The following KIF24 variants were observed in gnomAD, a reference collection of about 807,000 sequenced individuals.
The protein encoded by KIF24 is kinesin-like protein KIF24.
A neutral mutation model predicts 118.9 loss-of-function variants in KIF24; 81 were observed. The observed-to-expected ratio is 0.68, with a 90% CI of 0.57 to 0.82. The LOEUF is 0.82. Ranked by LOEUF, KIF24 falls within the 40% of genes least tolerant of loss-of-function variation. KIF24 has a pLI of 0.00. For missense variants in KIF24, 1,560 were observed against 1,661.6 expected (o/e 0.94, Z 1.06); for synonymous variants, 599 against 610.0 (o/e 0.98, Z 0.27).
In KIF24 at chr9:34,321,685, T is replaced by C. The variant is rs1224217451; in HGVS notation, c.-26+7421A>G. 4.0e-5 allele frequency among the ~76,000 whole-genome samples: 6 copies of C among 150,566 alleles called. No individual in the cohort carries two copies. In the East Asian group the frequency reaches 7.9e-4, roughly 20 times the overall value. On this transcript the variant is annotated intron_variant, in intron 1 of 12. Coordinates refer to ENST00000402558, the MANE Select transcript of KIF24 (RefSeq NM_194313.4). ...ACAGTGGTGCAATCACGGCTCACTGTAGTCACAAACTCCTGGGCTCAACCA... is the reference window on the plus strand; with the variant it reads ...ACAGTGGTGCAATCACGGCTCACTGCAGTCACAAACTCCTGGGCTCAACCA...
chr9:34,271,164 GTAC>G (rs1835489785), intron 7 of KIF24, among the ~76,000 whole-genome samples: 1 of 151,934 alleles, frequency 6.6e-6, no homozygotes, highest in Admixed American at 6.6e-5. Context: ...GTTGATGCTG[GTAC>G]TGTCCACTCA....
chr9:34,304,831 T>C (rs940511365), intron 3 of KIF24, among the ~76,000 whole-genome samples: 1 of 152,202 alleles, frequency 6.6e-6, no homozygotes, highest in Non-Finnish European at 1.5e-5. Context: ...CACTTCAGCA[T>C]TAAAGGATTT....
At chr9:34,315,702 A>T (rs1368562325) in intron 1 of KIF24, among the ~76,000 whole-genome samples, 2 of 152,220 alleles carry the variant, frequency 1.3e-5, no homozygotes, top group Non-Finnish European at 2.9e-5. Context: ...ATTTTAAGTG[A>T]ATAGTATCTG....
chr9:34,287,458 T>C (rs1470854615), intron 5 of KIF24, among the ~76,000 whole-genome samples: 1 of 152,202 alleles, frequency 6.6e-6, no homozygotes, highest in African/African-American at 2.4e-5. Context: ...TGGTCTACCA[T>C]CATCATTAAA....
At chr9:34,317,176 C>T (rs1837356611) in intron 1 of KIF24, among the ~76,000 whole-genome samples, 1 of 151,662 alleles carries the variant, frequency 6.6e-6, no homozygotes, top group Admixed American at 6.6e-5. Context: ...TGAGATCGCG[C>T]CATTGCACTC....
At chr9:34,312,565 GAA>G in intron 1 of KIF24, among the ~76,000 whole-genome samples, 1 of 152,320 alleles carries the variant, frequency 6.6e-6, no homozygotes, top group Non-Finnish European at 1.5e-5. Flanking sequence ...CAGAAACAGA[GAA>G]AGAGGTGAGG....
intron 8 of KIF24, among the ~76,000 whole-genome samples, chr9:34,265,863 T>A (rs969181435): frequency 2.0e-5 from 3 of 152,248 alleles, no homozygotes; most frequent in Middle Eastern, 3.4e-3. Context: ...TTTATTTTTT[T>A]AATATTATTA....
intron 8 of KIF24, among the ~76,000 whole-genome samples, chr9:34,264,833 G>A (rs1489735313): frequency 6.6e-6 from 1 of 151,958 alleles, no homozygotes; most frequent in African/African-American, 2.4e-5. Flanking sequence ...GTACCTACCT[G>A]GAGACTTCAG....
At chr9:34,320,344 A>AAG (rs1837475654) in intron 1 of KIF24, among the ~76,000 whole-genome samples, 1 of 151,476 alleles carries the variant, frequency 6.6e-6, no homozygotes, top group Non-Finnish European at 1.5e-5. Context: ...AAAAAAAAAA[A>AAG]AAAAGAAAAA....
At chr9:34,315,276 C>T (rs1258353344) in intron 1 of KIF24, among the ~76,000 whole-genome samples, 1 of 152,036 alleles carries the variant, frequency 6.6e-6, no homozygotes, top group East Asian at 1.9e-4. Flanking sequence ...CTCTCAGCCT[C>T]CCCAAATTGA....
chr9:34,319,437 T>C, intron 1 of KIF24: 3 of 1,098,038 alleles, frequency 2.7e-6, no homozygotes, highest in Non-Finnish European at 4.2e-6. Flanking sequence ...GAAGGACCTG[T>C]ACCTGACCAG....
In KIF24 at chr9:34,256,998, GC is replaced by G; in HGVS notation, c.2608del (p.Ala870GlnfsTer19). 1 of 1,614,000 alleles carries G rather than the reference GC, an allele frequency of 6.2e-7. No homozygotes were observed. Among genetic ancestry groups the G allele is most frequent in the Non-Finnish European group, 8.5e-7 (1 of 1,179,890 alleles). ...AGAAAACAGACTCTGCTGTCTTTCTGCCACCTGCTTCTCAGGACCCTGTCCC... is the reference window on the plus strand; with the variant it reads ...AGAAAACAGACTCTGCTGTCTTTCTGCACCTGCTTCTCAGGACCCTGTCCC... ...TWGQGPEKQVAERQQSLFSSP... is the reference protein window; with the variant it reads ...TWGQGPEKQVXERQQSLFSSP... On this transcript the variant is annotated frameshift_variant, in exon 11 of 13. Transcript: ENST00000402558. LOFTEE classifies it high-confidence loss of function.
At chr9:34,288,403 A>G (rs1836128491) in intron 5 of KIF24, among the ~76,000 whole-genome samples, 2 of 152,068 alleles carry the variant, frequency 1.3e-5, no homozygotes, top group Admixed American at 1.3e-4. Flanking sequence ...TGGGAGGATC[A>G]CTTCAGCCCA....
intron 5 of KIF24, among the ~76,000 whole-genome samples, chr9:34,286,986 T>C (rs1445445584): frequency 2.6e-5 from 4 of 152,226 alleles, no homozygotes; most frequent in Non-Finnish European, 4.4e-5. Flanking sequence ...GGCTATACTG[T>C]GATTTGTTCA....
chr9:34,312,178 T>C (rs772909292), intron 1 of KIF24, among the ~76,000 whole-genome samples: 5 of 152,204 alleles, frequency 3.3e-5, no homozygotes, highest in African/African-American at 7.2e-5. Flanking sequence ...CAATTCAGGA[T>C]TTCAGATCAT....
intron 8 of KIF24, among the ~76,000 whole-genome samples, 171 bp from the exon 9 acceptor site, chr9:34,263,343 A>G (rs1387657274): frequency 6.6e-6 from 1 of 152,190 alleles, no homozygotes; most frequent in East Asian, 1.9e-4. Context: ...AAACCAAGCT[A>G]GATTGGGAAA....
chr9:34,278,137 G>A (rs1020207502), intron 6 of KIF24, among the ~76,000 whole-genome samples: 2 of 151,954 alleles, frequency 1.3e-5, no homozygotes, highest in Non-Finnish European at 2.9e-5. Context: ...GGCCGGGCAC[G>A]GTGGCTCACG....
chr9:34,310,766 TGA>T lies in KIF24; in HGVS notation c.579_580del (p.His194CysfsTer5), dbSNP rs766855285. 6.2e-7 allele frequency: 1 copy of T among 1,610,876 alleles called. No individual in the cohort carries two copies. The highest frequency in any genetic ancestry group is 1.1e-5 in the South Asian group (1 of 90,726). ...GATTCCATAGTTATACCCTGAAACA[TGA>T]GAGATTCTTTGAATAATGGGAATAT... On this transcript the variant is annotated frameshift_variant, in exon 2 of 13. Transcript: ENST00000402558. LOFTEE classifies it high-confidence loss of function.
intron 4 of KIF24, among the ~76,000 whole-genome samples, chr9:34,292,488 CAAAT>C (rs1455113802): frequency 1.3e-5 from 2 of 152,166 alleles, no homozygotes; most frequent in Middle Eastern, 3.4e-3. Context: ...TTAACTTTGG[CAAAT>C]AAATCTACAA....
Sources: gnomAD v4.1 joint callset for allele counts (sites outside exome capture counted in the v4.1 genomes callset) on GRCh38, gnomAD v4.1.1 for gene constraint, MANE v1.5 for transcripts, NCBI Gene and HGNC (gene_info 2026-07-23, HGNC 2026-07-21) for gene names.